PNOC: variants seen among roughly 807,000 people sequenced by gnomAD.
PNOC encodes the protein prepronociceptin.
PNOC carries 10 observed loss-of-function variants against 15.6 expected under a neutral mutation model. The observed-to-expected ratio is 0.64, with a 90% confidence interval of 0.40 to 1.09. The LOEUF (loss-of-function observed/expected upper bound fraction) is 1.09, where lower values mean the gene tolerates loss of function less well. PNOC is among the 50% of genes least tolerant of loss of function. The pLI, the probability that PNOC is intolerant of heterozygous loss-of-function variation, is 0.01. For missense variants in PNOC, 220 were observed against 223.9 expected, an observed-to-expected ratio of 0.98 and a Z score of 0.11; for synonymous variants, 98 against 88.5, an observed-to-expected ratio of 1.11 and a Z score of -0.60.
At chr8:28,319,896 C>T (rs1049781447) in intron 1 of PNOC, among the ~76,000 whole-genome samples, 1 of 151,994 alleles carries the variant, frequency 6.6e-6, no homozygotes, top group Non-Finnish European at 1.5e-5. Context: ...ATTTTCTAAA[C>T]GCCTTTATTT....
In PNOC at chr8:28,330,455, C is replaced by T. The variant is rs188821591; in HGVS notation, c.126+1172C>T. ...TGTCGCCCAGGCTGGAGTGCAGTGG[C>T]GCAACCTCGGCTCACTGCAAGCTCT... On this transcript the variant is annotated intron_variant, in intron 2 of 3. Transcript: ENST00000301908. 6.7e-3 allele frequency among the ~76,000 whole-genome samples: 897 copies of T among 133,816 alleles called. 11 individuals are homozygous for T. Among genetic ancestry groups the T allele is most frequent in the African/African-American group, 0.023 (833 of 35,814 alleles). 87.8% of individuals were successfully genotyped at this position (133,816 alleles called of 152,430 possible).
chr8:28,328,047 A>C (rs1312163885), intron 1 of PNOC, among the ~76,000 whole-genome samples: 3 of 109,516 alleles, frequency 2.7e-5, no homozygotes, highest in Non-Finnish European at 3.9e-5. Context: ...CAAAGGTTCC[A>C]TCTCTCTCTC....
At chr8:28,324,590 A>G (rs1469873369) in intron 1 of PNOC, among the ~76,000 whole-genome samples, 1 of 152,222 alleles carries the variant, frequency 6.6e-6, no homozygotes, top group Non-Finnish European at 1.5e-5. Flanking sequence ...AAGGCCAGGC[A>G]TGGTGGCTCA....
At position 28,339,178 on chromosome 8, in the gene PNOC, G is replaced by T; in HGVS notation, c.265G>T (p.Ala89Ser). ...HVAAALYQPR[A>S]SEMQHLRRMP... ...GGCGGCTGCTCTCTACCAGCCGAGA[G>T]CTTCGGAGATGCAGCATCTGCGGCG... The change falls in exon 3 of 4, where the codon GCT becomes TCT. Residue 89 changes from alanine (A) to serine (S), a missense_variant. Coordinates refer to ENST00000301908, the MANE Select transcript of PNOC (RefSeq NM_006228.5). 6.2e-7 allele frequency: 1 copy of T among 1,613,742 alleles called. No homozygotes were observed.
rs1554517541 is a variant in PNOC at position 28,330,401 on chromosome 8, T to TTTTATTTTA, written c.126+1121_126+1122insATTTTATTT. Among the ~76,000 whole-genome samples the TTTTATTTTA allele has an allele frequency of 1.1e-3, 45 of 41,708 alleles. 1 individual carries two copies. In the Middle Eastern group the frequency reaches 0.045, roughly 42 times the overall value. The allele number at this position is 41,708 out of a possible 152,430, so 27.4% of individuals were successfully genotyped here. A position where few individuals can be genotyped will look rare whatever the true frequency, so the allele number is the denominator to read the frequency against. On this transcript the variant is annotated intron_variant, in intron 2 of 3. Coordinates refer to ENST00000301908, the MANE Select transcript of PNOC (RefSeq NM_006228.5). ...ATTTTATTTTATTTTATTTTATTTT[T>TTTTATTTTA]TTTTTTTTTTTGAGACGGAGTCTTG...
intron 3 of PNOC, among the ~76,000 whole-genome samples, chr8:28,340,733 T>C (rs1801503141): frequency 6.6e-6 from 1 of 152,186 alleles, no homozygotes; most frequent in African/African-American, 2.4e-5. Flanking sequence ...GGGGAGCTTT[T>C]ACTCATGGCA....
rs117484584 is a variant in PNOC at position 28,336,438 on chromosome 8, G to A, written c.127-2602G>A. 2.4e-3 allele frequency among the ~76,000 whole-genome samples: 361 copies of A among 152,272 alleles called. 3 individuals carry two copies. The East Asian group carries it at 0.06, about 25-fold the overall frequency. On this transcript the variant is annotated intron_variant, in intron 2 of 3. Transcript: ENST00000301908. ...ACTGGAGCTTGTCTGGGTCCCAAAG[G>A]ATGGATGGAAGGATGCAAGGAGGTC...
intron 2 of PNOC, among the ~76,000 whole-genome samples, chr8:28,336,036 T>C (rs1382741306): frequency 6.6e-6 from 1 of 152,190 alleles, no homozygotes; most frequent in African/African-American, 2.4e-5. Flanking sequence ...GTGCGCATGC[T>C]AAGCACTAGG....
intron 2 of PNOC, among the ~76,000 whole-genome samples, chr8:28,338,422 C>T (rs1451843301): frequency 1.3e-5 from 2 of 152,080 alleles, no homozygotes; most frequent in African/African-American, 4.8e-5. Flanking sequence ...AACTGGATCA[C>T]AGGTTCAGCC....
intron 1 of PNOC, among the ~76,000 whole-genome samples, chr8:28,327,938 C>T (rs756978114): frequency 2.0e-5 from 3 of 151,986 alleles, no homozygotes; most frequent in Non-Finnish European, 4.4e-5. Flanking sequence ...TTGCTGTGTC[C>T]TCAAGTGGTG....
chr8:28,336,119 C>G (rs1801408175), intron 2 of PNOC, among the ~76,000 whole-genome samples: 1 of 152,136 alleles, frequency 6.6e-6, no homozygotes, highest in South Asian at 2.1e-4. Flanking sequence ...TCTTTTCATT[C>G]CCTTCTTTTA....
intron 1 of PNOC, among the ~76,000 whole-genome samples, chr8:28,321,755 C>T (rs770594034): frequency 3.9e-5 from 6 of 152,160 alleles, no homozygotes; most frequent in Non-Finnish European, 7.3e-5. Context: ...AGCTCTCACG[C>T]GTTCATTTCT....
At chr8:28,338,414 C>A (rs17058979) in intron 2 of PNOC, among the ~76,000 whole-genome samples, 13,147 of 152,136 alleles carry the variant, frequency 0.086, 639 homozygotes, top group Middle Eastern at 0.12. Context: ...ACACCTGGAA[C>A]TGGATCACAG....
intron 2 of PNOC, among the ~76,000 whole-genome samples, chr8:28,330,396 A>ATTTTATTTTATTTT (rs377288105): frequency 2.5e-5 from 2 of 80,418 alleles, no homozygotes; most frequent in Non-Finnish European, 5.3e-5. Flanking sequence ...ATTTTATTTT[A>ATTTTATTTTATTTT]TTTTTTTTTT....
At chr8:28,318,065 A>C (rs1801087798) in intron 1 of PNOC, among the ~76,000 whole-genome samples, 2 of 151,872 alleles carry the variant, frequency 1.3e-5, no homozygotes, top group Non-Finnish European at 2.9e-5. Flanking sequence ...CCCCACCTAA[A>C]GGTCTTTGCC....
intron 2 of PNOC, among the ~76,000 whole-genome samples, chr8:28,330,857 T>C (rs947469212): frequency 6.6e-6 from 1 of 152,184 alleles, no homozygotes; most frequent in African/African-American, 2.4e-5. Context: ...TACATTTCAG[T>C]CCAGATAGTT....
chr8:28,334,663 A>G, intron 2 of PNOC, among the ~76,000 whole-genome samples: 1 of 151,866 alleles, frequency 6.6e-6, no homozygotes, highest in South Asian at 2.1e-4. Context: ...CCCCACTAAC[A>G]TTTTTATTTT....
intron 2 of PNOC, among the ~76,000 whole-genome samples, chr8:28,337,772 TA>T (rs2129900656): frequency 6.6e-6 from 1 of 151,416 alleles, no homozygotes; most frequent in African/African-American, 2.4e-5. Flanking sequence ...TTTGTATTTT[TA>T]GTAGAGATGG....
At chr8:28,330,848 A>G (rs1801320273) in intron 2 of PNOC, among the ~76,000 whole-genome samples, 1 of 152,122 alleles carries the variant, frequency 6.6e-6, no homozygotes, top group Non-Finnish European at 1.5e-5. Context: ...TCAACTATCT[A>G]CATTTCAGTC....
Sources: allele counts gnomAD v4.1 joint callset (sites outside exome capture counted in the v4.1 genomes callset), GRCh38; gene constraint gnomAD v4.1.1; transcripts MANE v1.5; gene names NCBI Gene and HGNC (gene_info 2026-07-23, HGNC 2026-07-21).